Variants in ZNF564 observed in about 807,000 individuals in gnomAD.
ZNF564 encodes zinc finger protein 564.
In ZNF564, 5 loss-of-function variants were observed where a neutral mutation model predicts 10.5. The ratio of observed to expected loss-of-function variants is 0.48; its 90% CI spans 0.25 to 1.00. ZNF564 has a LOEUF of 1.00. ZNF564 is among the 50% of genes least tolerant of loss of function. The probability of loss-of-function intolerance (pLI) is 0.16; values close to 1 mark genes in which losing one functional copy is unlikely to be tolerated. For missense variants in ZNF564, 603 were observed against 669.7 expected, an observed-to-expected ratio of 0.90 and a Z score of 1.10; for synonymous variants, 242 against 218.1, an observed-to-expected ratio of 1.11 and a Z score of -0.97.
intron 1 of ZNF564, among the ~76,000 whole-genome samples, chr19:12,539,676 A>G (rs893417830): frequency 3.6e-5 from 5 of 138,466 alleles, no homozygotes; most frequent in African/African-American, 5.5e-5. Flanking sequence ...TCAAAAAGAC[A>G]AAAAAGAAAA....
chr19:12,541,663 CTTTA>C (rs755370149), intron 1 of ZNF564: 1 of 152,082 alleles, frequency 6.6e-6, no homozygotes, highest in East Asian at 1.9e-4. Flanking sequence ...AAATACAGTG[CTTTA>C]TTTAATTCCA....
Position 12,526,525 on chromosome 19 carries a change from T to C in ZNF564, c.1583A>G (p.Asn528Ser), listed in dbSNP as rs1413162606. 60 of 1,613,410 alleles carry C rather than the reference T, an allele frequency of 3.7e-5. No homozygotes were observed. Among genetic ancestry groups the C allele is most frequent in the Non-Finnish European group, 4.6e-5 (54 of 1,179,888 alleles). ...SSFQRHERAH[N>S]GDKPYVKNVG... ...ATTCTTTACGTAAGGTTTATCTCCA[T>C]TATGAGCTCTTTCATGTCTTTGAAA... Residue 528 changes from asparagine to serine, a missense_variant, in exon 4 of 4, where the codon AAT becomes AGT. Coordinates refer to ENST00000339282, the MANE Select transcript of ZNF564 (RefSeq NM_144976.4).
In ZNF564 at chr19:12,526,922, G is replaced by A; in HGVS notation, c.1186C>T (p.Gln396Ter). ...CAGTCAAAGGCTCTACCACATACCTGACATTTATAAGGTCCATCTCCAGTG... is the reference window on the plus strand; with the variant it reads ...CAGTCAAAGGCTCTACCACATACCTAACATTTATAAGGTCCATCTCCAGTG... Reference protein sequence around the residue: ...KHTGDGPYKCQVCGRAFDCPS... With the variant: ...KHTGDGPYKC Residue 396 changes from glutamine (Q) to a stop codon, truncating the protein, a stop_gained, in exon 4 of 4, where the codon CAG becomes TAG. Coordinates refer to ENST00000339282, the MANE Select transcript of ZNF564 (RefSeq NM_144976.4). LOFTEE classifies it low-confidence loss of function (END_TRUNC). The A allele has an allele frequency of 1.2e-6, 2 of 1,613,802 alleles. No individual in the cohort carries two copies. The highest frequency in any genetic ancestry group is 1.7e-6 in the Non-Finnish European group (2 of 1,179,940).
At position 12,525,625 on chromosome 19, in the gene ZNF564, T is replaced by C. The variant is rs1006130914; in HGVS notation, c.*821A>G. 1 of 152,218 alleles carries C rather than the reference T, an allele frequency of 6.6e-6. No individual in the cohort carries two copies. Among genetic ancestry groups the C allele is most frequent in the East Asian group, 1.9e-4 (1 of 5,200 alleles). The allele number at this position is 152,218 out of a possible 1,614,324, so 9.4% of individuals were successfully genotyped here. On this transcript the variant is annotated 3_prime_UTR_variant, in exon 4 of 4. Coordinates refer to ENST00000339282, the MANE Select transcript of ZNF564 (RefSeq NM_144976.4). ...CTTATTGGCCATCTGGGTATCTTCT[T>C]TGGAGAAATGTCTATTCAAGTCCTT...
intron 1 of ZNF564, among the ~76,000 whole-genome samples, chr19:12,543,027 G>A (rs555823509): frequency 2.0e-5 from 3 of 149,718 alleles, no homozygotes; most frequent in Non-Finnish European, 3.0e-5. Context: ...GGGGCCGGGC[G>A]CGGTGGCTCA....
intron 1 of ZNF564, among the ~76,000 whole-genome samples, chr19:12,538,709 C>T (rs1306844733): frequency 6.6e-6 from 1 of 151,910 alleles, no homozygotes; most frequent in East Asian, 1.9e-4. Flanking sequence ...ACTTGGGAGG[C>T]TGACACAGAA....
chr19:12,545,275 A>G (rs980442965), intron 1 of ZNF564, among the ~76,000 whole-genome samples: 3 of 151,612 alleles, frequency 2.0e-5, no homozygotes, highest in African/African-American at 7.3e-5. Context: ...AAAAAAAAAA[A>G]AAAAAAAGAA....
chr19:12,528,216 G>A, intron 3 of ZNF564, 88 bp downstream of exon 3: 1 of 1,270,692 alleles, frequency 7.9e-7, no homozygotes, highest in Non-Finnish European at 1.1e-6. Flanking sequence ...TAAATCTGAA[G>A]CTGGGCTTAC....
At chr19:12,533,410 A>G (rs1408128507) in intron 1 of ZNF564, among the ~76,000 whole-genome samples, 3 of 152,212 alleles carry the variant, frequency 2.0e-5, no homozygotes, top group Non-Finnish European at 4.4e-5. Context: ...GGAAAGAACA[A>G]GGGTTTATAA....
In ZNF564 at chr19:12,533,822, C is replaced by T. The variant is rs140758744; in HGVS notation, c.4-5126G>A. Among the ~76,000 whole-genome samples, 720 of 131,638 alleles carry T rather than the reference C, an allele frequency of 5.5e-3. 7 individuals carry two copies. The highest frequency in any genetic ancestry group is 0.02 in the African/African-American group (690 of 34,934). The allele number at this position is 131,638 out of a possible 152,430, so 86.4% of individuals were successfully genotyped here. A position where few individuals can be genotyped will look rare whatever the true frequency, so the allele number is the denominator to read the frequency against. Reference sequence around the variant, plus strand: ...AGCAAATTAAACCCAAGTAAGCAGACAGACAGACAGAATAATTGGAGAAGT... The same window carrying T: ...AGCAAATTAAACCCAAGTAAGCAGATAGACAGACAGAATAATTGGAGAAGT... On this transcript the variant is annotated intron_variant, in intron 1 of 3. Coordinates refer to ENST00000339282, the MANE Select transcript of ZNF564 (RefSeq NM_144976.4).
chr19:12,551,328 A>G lies in ZNF564; in HGVS notation c.3+2T>C. The G allele has an allele frequency of 6.2e-7, 1 of 1,607,824 alleles. No homozygotes were observed. The highest frequency in any genetic ancestry group is 8.5e-7 in the Non-Finnish European group (1 of 1,177,358). ...TCCAGGCGCCCGGCCCCGCACACGCACCATTTCCTGGCTTCCAGGGTGTCC... is the reference window on the plus strand; with the variant it reads ...TCCAGGCGCCCGGCCCCGCACACGCGCCATTTCCTGGCTTCCAGGGTGTCC... On this transcript the variant is annotated splice_donor_variant, in intron 1 of 3. Transcript: ENST00000339282. LOFTEE classifies it high-confidence loss of function.
chr19:12,536,803 T>C (rs2145078059), intron 1 of ZNF564, among the ~76,000 whole-genome samples: 1 of 152,304 alleles, frequency 6.6e-6, no homozygotes, highest in Non-Finnish European at 1.5e-5. Context: ...AGTCTTATTC[T>C]CATTGGTAAA....
intron 1 of ZNF564, among the ~76,000 whole-genome samples, chr19:12,535,478 T>C (rs2021889639): frequency 6.6e-6 from 1 of 152,186 alleles, no homozygotes; most frequent in Non-Finnish European, 1.5e-5. Context: ...GACAAAACTA[T>C]GGGACATGAA....
At chr19:12,547,809 T>TA (rs2022180843) in intron 1 of ZNF564, among the ~76,000 whole-genome samples, 1 of 150,252 alleles carries the variant, frequency 6.7e-6, no homozygotes, top group African/African-American at 2.5e-5. Context: ...TATATTCACT[T>TA]ACTTTTTTTT....
Position 12,527,560 on chromosome 19 carries a change from C to G in ZNF564, c.548G>C (p.Ser183Thr). 1 of 1,614,064 alleles carries G rather than the reference C, an allele frequency of 6.2e-7. No homozygotes were observed. The highest frequency in any genetic ancestry group is 8.5e-7 in the Non-Finnish European group (1 of 1,179,986). ...GTGCTTAATCATGTGTCTTCGAACA[C>G]TTGGGAGAGAAATGAAGGCTTTCCC... is the stretch of plus-strand genomic sequence containing the variant. ...ECGKAFISLP[S>T]VRRHMIKHTG... Residue 183 changes from serine to threonine, a missense_variant, in exon 4 of 4, where the codon AGT (serine) becomes ACT (threonine). Physicochemically the swap from Ser to Thr is moderately conservative, Grantham distance 58 (BLOSUM62 1). Transcript: ENST00000339282.
Position 12,528,290 on chromosome 19 carries a change from T to G in ZNF564, c.191+14A>C. Reference sequence around the variant, plus strand: ...AAGAAGGAGACATTGCTTTATCTTGTCAGTGCAAATTACCTTAAAATTCTC... The same window carrying G: ...AAGAAGGAGACATTGCTTTATCTTGGCAGTGCAAATTACCTTAAAATTCTC... On this transcript the variant is annotated intron_variant, in intron 3 of 3. Coordinates refer to ENST00000339282, the MANE Select transcript of ZNF564 (RefSeq NM_144976.4). 1.2e-6 allele frequency: 2 copies of G among 1,604,830 alleles called. No individual in the cohort carries two copies. The highest frequency in any genetic ancestry group is 1.7e-6 in the Non-Finnish European group (2 of 1,176,856).
chr19:12,535,010 T>A (rs997687650), intron 1 of ZNF564, among the ~76,000 whole-genome samples: 3 of 152,100 alleles, frequency 2.0e-5, no homozygotes, highest in African/African-American at 7.2e-5. Context: ...AGTACATCCA[T>A]ATGATTAAAT....
rs1292250536 is a variant in ZNF564 at position 12,528,325 on chromosome 19, T to G, written c.170A>C (p.Lys57Thr). 1 of 1,611,028 alleles carries G rather than the reference T, an allele frequency of 6.2e-7. No individual in the cohort carries two copies. The highest frequency in any genetic ancestry group is 1.7e-5 in the Admixed American group (1 of 58,648). Residue 57 changes from lysine (K) to threonine (T), a missense_variant, in exon 3 of 4, where the codon AAA becomes ACA. Transcript: ENST00000339282. ...TTACCTTAAAATTCTCCCCTGATTTTTGTACCAATCTTCAATGCTCTGGTC... is the reference window on the plus strand; with the variant it reads ...TTACCTTAAAATTCTCCCCTGATTTGTGTACCAATCTTCAATGCTCTGGTC... ...WEDQSIEDWY[K>T]NQGRILRNHM...
At chr19:12,548,934 G>A in intron 1 of ZNF564, 1 of 698,614 alleles carries the variant, frequency 1.4e-6, no homozygotes, top group Non-Finnish European at 2.6e-6. Flanking sequence ...TCGTTTCTCT[G>A]TAGCCATAAT....
Sources: gnomAD v4.1 joint callset for allele counts (sites outside exome capture counted in the v4.1 genomes callset) on GRCh38, gnomAD v4.1.1 for gene constraint, MANE v1.5 for transcripts, NCBI Gene and HGNC (gene_info 2026-07-23, HGNC 2026-07-21) for gene names.